SPAST: variants seen among roughly 807,000 people sequenced by gnomAD.
The protein encoded by SPAST is spastic paraplegia 4 (autosomal dominant; spastin).
A neutral mutation model predicts 76.6 loss-of-function variants in SPAST; 30 were observed. That is an observed-to-expected ratio of 0.39 (90% CI 0.29 to 0.53). The LOEUF (loss-of-function observed/expected upper bound fraction) is 0.53. Among genes scored for constraint, SPAST ranks in the 20% least tolerant of loss-of-function variants. The pLI, the probability that SPAST is intolerant of heterozygous loss-of-function variation, is 0.68. For missense variants in SPAST, 717 were observed against 770.5 expected, an observed-to-expected ratio of 0.93 and a Z score of 0.82; for synonymous variants, 305 against 281.0, an observed-to-expected ratio of 1.09 and a Z score of -0.86.
intron 9 of SPAST, among the ~76,000 whole-genome samples, chr2:32,136,130 C>G (rs1223807169): frequency 6.6e-6 from 1 of 151,516 alleles, no homozygotes; most frequent in Non-Finnish European, 1.5e-5. Flanking sequence ...GTGAGAATGA[C>G]TTTTCACGGT....
chr2:32,106,780 T>C (rs897731336), intron 4 of SPAST, among the ~76,000 whole-genome samples: 4 of 152,138 alleles, frequency 2.6e-5, no homozygotes, highest in African/African-American at 9.7e-5. Flanking sequence ...CCTCTTCCCA[T>C]TCCTTCCTCT....
chr2:32,084,159 A>G (rs1677376246), intron 1 of SPAST, among the ~76,000 whole-genome samples: 1 of 151,402 alleles, frequency 6.6e-6, no homozygotes, highest in South Asian at 2.1e-4. Context: ...CAATAGTTTC[A>G]TTTCTTTTTT....
At chr2:32,116,045 T>C (rs1678820616) in intron 6 of SPAST, 74 bp from the exon 7 acceptor site, 1 of 1,136,724 alleles carries the variant, frequency 8.8e-7, no homozygotes, top group Non-Finnish European at 1.3e-6. Context: ...CTATATGTCA[T>C]AGGGCTTAGG....
intron 1 of SPAST, among the ~76,000 whole-genome samples, chr2:32,081,563 T>A (rs1472264513): frequency 6.6e-6 from 1 of 151,804 alleles, no homozygotes. Context: ...TCACTTCAAG[T>A]AGACGAGGTC....
intron 14 of SPAST, among the ~76,000 whole-genome samples, 195 bp downstream of exon 14, chr2:32,143,610 T>C (rs979399916): frequency 1.3e-5 from 2 of 152,244 alleles, no homozygotes; most frequent in African/African-American, 4.8e-5. Flanking sequence ...TAAATTTCAC[T>C]GGCTATGTCC....
intron 1 of SPAST, among the ~76,000 whole-genome samples, chr2:32,076,781 C>T (rs559833069): frequency 2.0e-5 from 3 of 152,028 alleles, no homozygotes; most frequent in African/African-American, 7.2e-5. Flanking sequence ...AGGCTGGACT[C>T]GAGCTCCTTG....
At chr2:32,140,611 T>C (rs1679684427) in intron 12 of SPAST, among the ~76,000 whole-genome samples, 2 of 150,978 alleles carry the variant, frequency 1.3e-5, no homozygotes, top group African/African-American at 4.9e-5. Flanking sequence ...AGCAAGGCTC[T>C]GTCTCAAAAA....
At chr2:32,095,420 A>G in intron 3 of SPAST, among the ~76,000 whole-genome samples, 1 of 152,170 alleles carries the variant, frequency 6.6e-6, no homozygotes, top group East Asian at 1.9e-4. Flanking sequence ...ACACTTAGAT[A>G]AATGAATAAA....
rs548579421 is a variant in SPAST at position 32,090,124 on chromosome 2, G to A, written c.586+519G>A. 4.6e-5 allele frequency among the ~76,000 whole-genome samples: 7 copies of A among 152,298 alleles called. No individual in the cohort carries two copies. In the South Asian group the frequency reaches 1.4e-3, roughly 32 times the overall value. ...TTTGATAATTATCACCTCACTATCA[G>A]TCTTGATTTATTTATACCAAGGGCT... On this transcript the variant is annotated intron_variant, in intron 3 of 16. Transcript: ENST00000315285.
At chr2:32,120,572 C>CT (rs36066356) in intron 7 of SPAST, among the ~76,000 whole-genome samples, 53,474 of 131,116 alleles carry the variant, frequency 0.41, 11,158 homozygotes, top group East Asian at 0.64. Flanking sequence ...TAACTCAGGT[C>CT]TTTTTTTTTT....
At chr2:32,151,041 T>A (rs1680067278) in intron 16 of SPAST, among the ~76,000 whole-genome samples, 1 of 150,902 alleles carries the variant, frequency 6.6e-6, no homozygotes, top group Non-Finnish European at 1.5e-5. Context: ...GCCTCCTGGG[T>A]TCAAGTGATT....
At chr2:32,150,632 C>T (rs1680053016) in intron 16 of SPAST, among the ~76,000 whole-genome samples, 1 of 151,694 alleles carries the variant, frequency 6.6e-6, no homozygotes, top group Non-Finnish European at 1.5e-5. Context: ...GAGATGGGGT[C>T]TCACTATGTT....
At chr2:32,089,981 G>T (rs914793480) in intron 3 of SPAST, among the ~76,000 whole-genome samples, 1 of 152,146 alleles carries the variant, frequency 6.6e-6, no homozygotes, top group Non-Finnish European at 1.5e-5. Flanking sequence ...AGCCAGAATG[G>T]TGTCCATCTC....
rs2148685090 is a variant in SPAST at position 32,063,860 on chromosome 2, A to G, written c.29A>G (p.Lys10Arg). MNSPGGRGK[K>R]KGSGGASNPV... ...AATTCTCCGGGTGGACGAGGGAAGA[A>G]GAAAGGCTCCGGCGGCGCCAGCAAC... Residue 10 changes from lysine to arginine, a missense_variant, in exon 1 of 17, where the codon AAG (lysine) becomes AGG (arginine). By Grantham distance (26) the Lys-to-Arg change is conservative (BLOSUM62 2). This residue lies in a region of SPAST where 543 missense variants were observed against 445.2 expected (regional missense o/e 1.22). Coordinates refer to ENST00000315285, the MANE Select transcript of SPAST (RefSeq NM_014946.4). 3 of 1,585,172 alleles carry G rather than the reference A, an allele frequency of 1.9e-6. No homozygotes were observed. The highest frequency in any genetic ancestry group is 2.6e-6 in the Non-Finnish European group (3 of 1,171,104).
intron 7 of SPAST, among the ~76,000 whole-genome samples, chr2:32,119,854 G>A (rs1289436788): frequency 6.6e-6 from 1 of 152,014 alleles, no homozygotes; most frequent in Admixed American, 6.6e-5. Context: ...TTATTTCATA[G>A]ATCTCTTCTG....
intron 1 of SPAST, among the ~76,000 whole-genome samples, chr2:32,079,773 C>G (rs982467909): frequency 6.6e-6 from 1 of 152,162 alleles, no homozygotes; most frequent in African/African-American, 2.4e-5. Flanking sequence ...GGTTCACCAT[C>G]TCTAACTCCT....
At chr2:32,093,852 A>G (rs548986245) in intron 3 of SPAST, among the ~76,000 whole-genome samples, 24 of 152,264 alleles carry the variant, frequency 1.6e-4, no homozygotes, top group South Asian at 8.3e-4. Flanking sequence ...AGATACGCCA[A>G]TTTGCCGACA....
intron 3 of SPAST, among the ~76,000 whole-genome samples, chr2:32,094,900 C>T (rs1470083403): frequency 1.3e-5 from 2 of 152,186 alleles, no homozygotes; most frequent in Non-Finnish European, 2.9e-5. Context: ...ACCCGGGAGG[C>T]GGAGGTTGCA....
intron 7 of SPAST, among the ~76,000 whole-genome samples, chr2:32,117,284 A>G (rs2148735603): frequency 6.6e-6 from 1 of 152,110 alleles, no homozygotes; most frequent in Non-Finnish European, 1.5e-5. Context: ...AAAGATAAAT[A>G]CATAAAAATA....
Sources: allele counts gnomAD v4.1 joint callset (sites outside exome capture counted in the v4.1 genomes callset), GRCh38; gene constraint gnomAD v4.1.1; regional missense constraint gnomAD v4.1.1; transcripts MANE v1.5; gene names NCBI Gene and HGNC (gene_info 2026-07-23, HGNC 2026-07-21).